The following SPTAN1 variants were observed in gnomAD, a reference collection of about 807,000 sequenced individuals.
SPTAN1 encodes the protein spectrin alpha chain, non-erythrocytic 1.
In SPTAN1, 61 loss-of-function variants were observed where a neutral mutation model predicts 331.3. The observed-to-expected ratio is 0.18, with a 90% CI of 0.15 to 0.23. SPTAN1 has a LOEUF of 0.23. Ranked by LOEUF, SPTAN1 falls within the 10% of genes least tolerant of loss-of-function variation. The pLI is 1.00. For missense variants in SPTAN1, 2,043 were observed against 3,147.9 expected, an observed-to-expected ratio of 0.65 and a Z score of 8.40; for synonymous variants, 1,153 against 1,173.9, an observed-to-expected ratio of 0.98 and a Z score of 0.36.
chr9:128,598,714 C>T lies in SPTAN1; in HGVS notation c.3519+210C>T, dbSNP rs926618052. On this transcript the variant is annotated intron_variant, in intron 25 of 56. Transcript: ENST00000372739. ...CACTTGGTTTGGAGGGGGGTGGGGG[C>T]TTCTGTCTTCTCCGTAAGCTCATTA... 9.2e-6 allele frequency: 6 copies of T among 649,238 alleles called. No homozygotes were observed. In the African/African-American group the frequency reaches 1.1e-4, roughly 12 times the overall value. 40.2% of individuals were successfully genotyped at this position (649,238 alleles called of 1,614,324 possible). A position where few individuals can be genotyped will look rare whatever the true frequency, so the allele number is the denominator to read the frequency against.
intron 10 of SPTAN1, 40 bp from the exon 11 acceptor site, chr9:128,580,882 C>T (rs768377240): frequency 6.2e-7 from 1 of 1,611,602 alleles, no homozygotes; most frequent in Admixed American, 1.7e-5. Context: ...GGCATTGGGG[C>T]TGACCTCATC....
chr9:128,624,022 G>A (rs1402021782), intron 45 of SPTAN1, among the ~76,000 whole-genome samples: 7 of 143,364 alleles, frequency 4.9e-5, no homozygotes, highest in African/African-American at 1.8e-4. Flanking sequence ...GGCGGAGGTT[G>A]CAGTGAGCCG....
At chr9:128,606,285 AGAATCATTT>A (rs1422919658) in intron 31 of SPTAN1, among the ~76,000 whole-genome samples, 5 of 126,308 alleles carry the variant, frequency 4.0e-5, no homozygotes, top group Non-Finnish European at 6.4e-5. Context: ...CTGAGGCAGG[AGAATCATTT>A]GAACCTGGAG....
chr9:128,627,657 G>T lies in SPTAN1; in HGVS notation c.6689+159G>T. The stretch of plus-strand genomic sequence containing the variant: ...AACGCCTGGTCGGGCTCTGGAGCCG[G>T]GAGTGGGGGCATAGGTGGAGCAGCC... On this transcript the variant is annotated intron_variant, in intron 50 of 56. Coordinates refer to ENST00000372739, the MANE Select transcript of SPTAN1 (RefSeq NM_001130438.3). The surrounding 1 kb of genome is among the most constrained non-coding windows in gnomAD (Gnocchi z 4.9). 1 of 820,582 alleles carries T rather than the reference G, an allele frequency of 1.2e-6. No homozygotes were observed. 50.8% of individuals were successfully genotyped at this position (820,582 alleles called of 1,614,324 possible).
chr9:128,624,859 CGT>C, intron 46 of SPTAN1: 1 of 594,630 alleles, frequency 1.7e-6, no homozygotes, highest in African/African-American at 1.9e-5. Flanking sequence ...TCGGGGTCCA[CGT>C]GTCCTGGGTA....
intron 19 of SPTAN1, 65 bp from the exon 20 acceptor site, chr9:128,587,541 C>T (rs545545681): frequency 1.3e-5 from 17 of 1,346,662 alleles, no homozygotes; most frequent in Admixed American, 3.4e-5. Flanking sequence ...GGCAGGTTGG[C>T]GAGGCAGTGG....
chr9:128,559,153 A>C (rs1848994475), intron 1 of SPTAN1, among the ~76,000 whole-genome samples: 1 of 152,194 alleles, frequency 6.6e-6, no homozygotes, highest in South Asian at 2.1e-4. Flanking sequence ...TACTGACGTC[A>C]GCTGATCTAC....
In SPTAN1 at chr9:128,633,250, G is replaced by A. The variant is rs761874094; in HGVS notation, c.7350G>A (p.Met2450Ile). ...REQADYCVSH[M>I]KPYVDGKGRE... ...AAGCCGACTACTGCGTCTCCCACAT[G>A]AAGCCCTACGTGGACGGCAAGGGCC... The change falls in exon 57 of 57, where the codon ATG becomes ATA. Residue 2450 changes from methionine to isoleucine, a missense_variant. Coordinates refer to ENST00000372739, the MANE Select transcript of SPTAN1 (RefSeq NM_001130438.3). 8 of 1,613,952 alleles carry A rather than the reference G, an allele frequency of 5.0e-6. No homozygotes were observed. Among genetic ancestry groups the A allele is most frequent in the Non-Finnish European group, 5.9e-6 (7 of 1,180,020 alleles).
rs1051480892 is a variant in SPTAN1 at position 128,568,978 on chromosome 9, T to C, written c.363+81T>C. On this transcript the variant is annotated intron_variant, in intron 3 of 56. Transcript: ENST00000372739. ...TTCATGCATACATGTCAGTTTGGGTTCCCAAAAAGATAGACTTTTCCAGCT... is the reference window on the plus strand; with the variant it reads ...TTCATGCATACATGTCAGTTTGGGTCCCCAAAAAGATAGACTTTTCCAGCT... 4.4e-6 allele frequency: 7 copies of C among 1,591,602 alleles called. No individual in the cohort carries two copies. The Admixed American group carries it at 1.2e-4, about 27-fold the overall frequency.
intron 3 of SPTAN1, among the ~76,000 whole-genome samples, 160 bp downstream of exon 3, chr9:128,569,057 A>G (rs1850365481): frequency 1.3e-5 from 2 of 152,238 alleles, no homozygotes; most frequent in African/African-American, 4.8e-5. Flanking sequence ...CTGCCTTTGT[A>G]ATATGACAGC....
rs1484362249 is a variant in SPTAN1 at position 128,568,840 on chromosome 9, G to T, written c.306G>T (p.Leu102=). ...CCAACTCAGGAGCCATTGTTAAGCT[G>T]GATGAAACTGGAAACCTGATGATCT... is the stretch of plus-strand genomic sequence containing the variant. ...VQANSGAIVK[L]DETGNLMISE... is the part of the protein sequence containing the mutation. Residue 102 remains leucine, a synonymous_variant, in exon 3 of 57, where the codon CTG becomes CTT. Transcript: ENST00000372739. 6.2e-7 allele frequency: 1 copy of T among 1,614,142 alleles called. No homozygotes were observed. Among genetic ancestry groups the T allele is most frequent in the Non-Finnish European group, 8.5e-7 (1 of 1,180,020 alleles).
At chr9:128,626,935 C>T in intron 49 of SPTAN1, 1 of 626,772 alleles carries the variant, frequency 1.6e-6, no homozygotes, top group Non-Finnish European at 2.9e-6. Flanking sequence ...TTGCCTGAGC[C>T]TCTTGAATAA....
At chr9:128,590,554 G>GAA (rs1384237884) in intron 21 of SPTAN1, among the ~76,000 whole-genome samples, 1 of 133,902 alleles carries the variant, frequency 7.5e-6, no homozygotes, top group African/African-American at 2.9e-5. Flanking sequence ...TATTAAAAAA[G>GAA]AAAAAAAAAA....
chr9:128,613,902 G>A (rs906051625), intron 40 of SPTAN1, among the ~76,000 whole-genome samples: 14 of 151,874 alleles, frequency 9.2e-5, no homozygotes, highest in African/African-American at 3.4e-4. Flanking sequence ...GTACTCAGGC[G>A]ACTGAGGTAG....
intron 51 of SPTAN1, chr9:128,628,802 G>A: frequency 3.9e-6 from 1 of 258,714 alleles, no homozygotes; most frequent in Admixed American, 5.4e-5. Context: ...AGGGATCGCA[G>A]TTTCCGGCCT....
intron 53 of SPTAN1, 22 bp from the exon 54 acceptor site, chr9:128,632,409 C>G (rs1465923404): frequency 6.2e-7 from 1 of 1,614,010 alleles, no homozygotes; most frequent in East Asian, 2.2e-5. Context: ...GGTCTGTTCC[C>G]TAATTTCTGT....
At chr9:128,630,210 CT>C (rs1859477949) in intron 51 of SPTAN1, 110 bp from the exon 52 acceptor site, 1 of 1,226,574 alleles carries the variant, frequency 8.2e-7, no homozygotes, top group African/African-American at 1.5e-5. Context: ...GTTTGGTTTC[CT>C]TAAAAGGAAT....
intron 24 of SPTAN1, chr9:128,595,784 T>C (rs1384627974): frequency 1.3e-5 from 2 of 152,208 alleles, no homozygotes; most frequent in Non-Finnish European, 2.9e-5. Flanking sequence ...TGGACATTTA[T>C]ATAAATGGAA....
In SPTAN1 at chr9:128,605,379, G is replaced by A. The variant is rs1278108281; in HGVS notation, c.3948G>A (p.Glu1316=). 1.2e-6 allele frequency: 2 copies of A among 1,614,106 alleles called. No homozygotes were observed. The highest frequency in any genetic ancestry group is 2.7e-5 in the African/African-American group (2 of 74,924). ...SAEDLQEKCT[E]LNQAWSSLGK... Reference sequence around the variant, plus strand: ...AAGACCTGCAGGAAAAGTGCACAGAGTTAAACCAGGCCTGGAGCAGCCTGG... The same window carrying A: ...AAGACCTGCAGGAAAAGTGCACAGAATTAAACCAGGCCTGGAGCAGCCTGG... Residue 1316 remains glutamate, a synonymous_variant, in exon 31 of 57, where the codon GAG becomes GAA. Transcript: ENST00000372739.
Sources: allele counts gnomAD v4.1 joint callset (sites outside exome capture counted in the v4.1 genomes callset), GRCh38; gene constraint gnomAD v4.1.1; non-coding constraint Gnocchi (gnomAD v3.1); transcripts MANE v1.5; gene names NCBI Gene and HGNC (gene_info 2026-07-23, HGNC 2026-07-21).